The following NRG3 variants were observed in gnomAD, a reference collection of about 807,000 sequenced individuals.
NRG3 encodes neuregulin 3, also known as pro-neuregulin-3, membrane-bound isoform.
NRG3 carries 31 observed loss-of-function variants against 66.9 expected under a neutral mutation model. The ratio of observed to expected loss-of-function variants is 0.46; its 90% CI spans 0.35 to 0.63. The LOEUF is 0.63. Ranked by LOEUF, NRG3 falls within the 20% of genes least tolerant of loss-of-function variation. The pLI is 0.00. For missense variants in NRG3, 910 were observed against 878.9 expected (o/e 1.04, Z -0.45); for synonymous variants, 393 against 359.4 (o/e 1.09, Z -1.06).
chr10:82,395,871 T>A (rs1458301762), intron 2 of NRG3, among the ~76,000 whole-genome samples: 1 of 152,076 alleles, frequency 6.6e-6, no homozygotes, highest in Admixed American at 6.6e-5. Flanking sequence ...AACATTTTTG[T>A]CAAAACATTG....
intron 1 of NRG3, among the ~76,000 whole-genome samples, chr10:82,024,418 T>C (rs2062202706): frequency 6.6e-6 from 1 of 152,042 alleles, no homozygotes; most frequent in Non-Finnish European, 1.5e-5. Flanking sequence ...AAAGAAAATA[T>C]CTTATTAATA....
intron 2 of NRG3, among the ~76,000 whole-genome samples, chr10:82,397,513 T>C (rs1402552439): frequency 1.3e-5 from 2 of 152,186 alleles, no homozygotes; most frequent in African/African-American, 2.4e-5. Flanking sequence ...ATATGTATCA[T>C]TGTGACAATA....
intron 1 of NRG3, among the ~76,000 whole-genome samples, chr10:81,918,614 A>G (rs769745770): frequency 6.6e-6 from 1 of 152,192 alleles, no homozygotes; most frequent in African/African-American, 2.4e-5. Context: ...CCTTATTTGC[A>G]TGTGTAGCAT....
chr10:82,126,767 A>T (rs191766928), intron 1 of NRG3, among the ~76,000 whole-genome samples: 35 of 152,156 alleles, frequency 2.3e-4, no homozygotes, highest in Admixed American at 5.9e-4. Flanking sequence ...AGTAGTACAG[A>T]TGTGAGTTCT....
intron 2 of NRG3, among the ~76,000 whole-genome samples, chr10:82,534,725 G>C (rs1331725426): frequency 6.6e-6 from 1 of 151,970 alleles, no homozygotes; most frequent in South Asian, 2.1e-4. Context: ...ATAATGACAT[G>C]TAGGCCAATG....
intron 3 of NRG3, among the ~76,000 whole-genome samples, chr10:82,743,081 TG>T (rs1465186823): frequency 6.6e-6 from 1 of 152,058 alleles, no homozygotes; most frequent in African/African-American, 2.4e-5. Flanking sequence ...CACACACAGC[TG>T]GAGACAGCCG....
At chr10:82,487,926 G>T (rs1842816368) in intron 2 of NRG3, among the ~76,000 whole-genome samples, 1 of 152,100 alleles carries the variant, frequency 6.6e-6, no homozygotes, top group Non-Finnish European at 1.5e-5. Flanking sequence ...CCATCACATG[G>T]ATACAGTATT....
At chr10:82,672,419 T>C (rs1157432255) in intron 2 of NRG3, among the ~76,000 whole-genome samples, 1 of 152,044 alleles carries the variant, frequency 6.6e-6, no homozygotes, top group African/African-American at 2.4e-5. Flanking sequence ...ATAGACATGA[T>C]CAGATTTATG....
At chr10:82,532,938 A>G (rs1030292239) in intron 2 of NRG3, among the ~76,000 whole-genome samples, 2 of 149,922 alleles carry the variant, frequency 1.3e-5, no homozygotes, top group African/African-American at 4.9e-5. Flanking sequence ...TTGCCAACAC[A>G]TGTTATTTTC....
At position 82,532,491 on chromosome 10, in the gene NRG3, A is replaced by G. The variant is rs148260159; in HGVS notation, c.953+173623A>G. ...TTACTATATATATAGTACTCTCTAT[A>G]TATAGTACTATATACATCTATATGT... On this transcript the variant is annotated intron_variant, in intron 2 of 8. Coordinates refer to ENST00000372141, the MANE Select transcript of NRG3 (RefSeq NM_001010848.4). Among the ~76,000 whole-genome samples the G allele has an allele frequency of 4.7e-3, 689 of 147,990 alleles. 6 individuals are homozygous for G. Among genetic ancestry groups the G allele is most frequent in the African/African-American group, 0.016 (651 of 40,720 alleles).
At chr10:81,936,608 G>A (rs1055909698) in intron 1 of NRG3, among the ~76,000 whole-genome samples, 6 of 152,112 alleles carry the variant, frequency 3.9e-5, no homozygotes, top group African/African-American at 1.4e-4. Context: ...CCCTGTGTCA[G>A]CTACAGTTTG....
At chr10:82,793,819 C>T (rs772573797) in intron 3 of NRG3, among the ~76,000 whole-genome samples, 1 of 152,092 alleles carries the variant, frequency 6.6e-6, no homozygotes, top group Non-Finnish European at 1.5e-5. Flanking sequence ...ATCATTTTTG[C>T]TCACATTCCA....
At chr10:82,618,762 T>A (rs2246668) in intron 2 of NRG3, among the ~76,000 whole-genome samples, 14,884 of 152,120 alleles carry the variant, frequency 0.098, 748 homozygotes, top group East Asian at 0.14. Context: ...CCCCATTTTC[T>A]GAAAATTATG....
intron 4 of NRG3, among the ~76,000 whole-genome samples, chr10:82,928,187 GT>G (rs960403679): frequency 5.6e-4 from 84 of 150,746 alleles, no homozygotes; most frequent in African/African-American, 1.6e-3. Context: ...TTTTTGATGG[GT>G]TTTTTTTTCT....
chr10:81,891,506 A>G (rs1472431881), intron 1 of NRG3, among the ~76,000 whole-genome samples: 3 of 152,190 alleles, frequency 2.0e-5, no homozygotes, highest in Non-Finnish European at 2.9e-5. Flanking sequence ...ACTGAACAGA[A>G]GACCCTGATG....
intron 2 of NRG3, among the ~76,000 whole-genome samples, chr10:82,640,148 A>G (rs1325341936): frequency 6.6e-6 from 1 of 152,210 alleles, no homozygotes; most frequent in East Asian, 1.9e-4. Context: ...ACACAGCAAT[A>G]CCATTACTGG....
chr10:82,908,419 CA>C (rs1844967655), intron 4 of NRG3, among the ~76,000 whole-genome samples: 1 of 152,268 alleles, frequency 6.6e-6, no homozygotes, highest in East Asian at 1.9e-4. Flanking sequence ...TTGACCTGAG[CA>C]GAAGATACAC....
At chr10:82,048,064 A>T (rs1048816414) in intron 1 of NRG3, among the ~76,000 whole-genome samples, 2 of 151,276 alleles carry the variant, frequency 1.3e-5, no homozygotes, top group Non-Finnish European at 3.0e-5. Context: ...CTGAATATAT[A>T]TGCACCCAAT....
chr10:82,385,724 T>C (rs1456247661), intron 2 of NRG3, among the ~76,000 whole-genome samples: 2 of 152,178 alleles, frequency 1.3e-5, no homozygotes, highest in Non-Finnish European at 2.9e-5. Context: ...TGATTTTAGA[T>C]ACAATTATAG....
Sources: gnomAD v4.1 joint callset for allele counts (sites outside exome capture counted in the v4.1 genomes callset) on GRCh38, gnomAD v4.1.1 for gene constraint, MANE v1.5 for transcripts, NCBI Gene and HGNC (gene_info 2026-07-23, HGNC 2026-07-21) for gene names.